The following ANO4 variants were observed in gnomAD, a reference collection of about 807,000 sequenced individuals.
ANO4 encodes anoctamin-4.
Under a neutral mutation model 141.9 loss-of-function variants are expected in ANO4, and 69 were observed. The ratio of observed to expected loss-of-function variants is 0.49; its 90% confidence interval spans 0.40 to 0.59. The LOEUF is 0.59. Among genes scored for constraint, ANO4 ranks in the 20% least tolerant of loss-of-function variants. The probability of loss-of-function intolerance (pLI) is 0.00; values close to 1 mark genes in which losing one functional copy is unlikely to be tolerated. For missense variants in ANO4, 894 were observed against 1,162.2 expected (o/e 0.77, Z 3.36); for synonymous variants, 350 against 394.3 (o/e 0.89, Z 1.33).
intron 1 of ANO4, among the ~76,000 whole-genome samples, chr12:100,870,184 G>A (rs1019226770): frequency 6.6e-6 from 1 of 152,176 alleles, no homozygotes; most frequent in Admixed American, 6.6e-5. Context: ...CTGGAAAGAA[G>A]CTGGGATCCT....
At position 100,971,407 on chromosome 12, in the gene ANO4, G is replaced by T; in HGVS notation, c.557+1G>T. The T allele has an allele frequency of 6.3e-7, 1 of 1,586,852 alleles. No homozygotes were observed. The highest frequency in any genetic ancestry group is 8.6e-7 in the Non-Finnish European group (1 of 1,157,150). ...AAATGAATGTAAGAATGCCTTTCAG[G>T]TAGGTGGAAATGTATTTTATTCCAC... On this transcript the variant is annotated splice_donor_variant, in intron 6 of 27. Transcript: ENST00000392977. LOFTEE classifies it high-confidence loss of function.
At chr12:100,830,538 C>G (rs1364120090) in intron 1 of ANO4, among the ~76,000 whole-genome samples, 1 of 151,858 alleles carries the variant, frequency 6.6e-6, no homozygotes, top group Non-Finnish European at 1.5e-5. Flanking sequence ...TTGGGTAAGC[C>G]CAAAGTGTAG....
intron 14 of ANO4, among the ~76,000 whole-genome samples, chr12:101,061,419 T>C (rs1420477022): frequency 6.6e-6 from 1 of 152,162 alleles, no homozygotes; most frequent in East Asian, 1.9e-4. Flanking sequence ...TGAATTTGAA[T>C]GTTGGCCTGT....
intron 1 of ANO4, among the ~76,000 whole-genome samples, chr12:100,829,418 G>T (rs1274460913): frequency 1.3e-5 from 2 of 151,980 alleles, no homozygotes; most frequent in Non-Finnish European, 2.9e-5. Flanking sequence ...TTGCTCTATA[G>T]AAGTTAATTC....
chr12:100,949,508 G>A lies in ANO4; in HGVS notation c.456+6973G>A, dbSNP rs1467433164. 2.0e-5 allele frequency among the ~76,000 whole-genome samples: 3 copies of A among 152,004 alleles called. No homozygotes were observed. In the East Asian group the frequency reaches 5.8e-4, roughly 29 times the overall value. On this transcript the variant is annotated intron_variant, in intron 5 of 27. Coordinates refer to ENST00000392977, the MANE Select transcript of ANO4 (RefSeq NM_001286615.2). ...GTGCTTATCTCTGTGCCTTTTATATGGTAAGCATTTAGTAAACTTCATTAT... is the reference window on the plus strand; with the variant it reads ...GTGCTTATCTCTGTGCCTTTTATATAGTAAGCATTTAGTAAACTTCATTAT...
At chr12:100,792,509 C>A (rs546886412), upstream of ANO4, among the ~76,000 whole-genome samples, 231 of 152,290 alleles carry the variant, frequency 1.5e-3, 1 homozygote, top group African/African-American at 5.4e-3. Flanking sequence ...TATAAACAAT[C>A]TGTACATTAC....
chr12:100,866,724 G>A (rs2038770303), intron 1 of ANO4, among the ~76,000 whole-genome samples: 1 of 152,126 alleles, frequency 6.6e-6, no homozygotes, highest in African/African-American at 2.4e-5. Context: ...CAAGCTCAAG[G>A]TCATAGAGAT....
intron 3 of ANO4, among the ~76,000 whole-genome samples, chr12:100,924,223 G>A (rs1172198760): frequency 6.6e-6 from 1 of 151,858 alleles, no homozygotes; most frequent in Non-Finnish European, 1.5e-5. Flanking sequence ...CATGCCTAGG[G>A]ACATTGCATT....
intron 1 of ANO4, among the ~76,000 whole-genome samples, chr12:100,807,713 C>A (rs376665864): frequency 6.6e-6 from 1 of 152,098 alleles, no homozygotes; most frequent in East Asian, 1.9e-4. Flanking sequence ...GCTTTCCCTC[C>A]GCCCCTGACA....
chr12:101,039,470 A>C (rs1313003477), intron 10 of ANO4, among the ~76,000 whole-genome samples: 1 of 152,202 alleles, frequency 6.6e-6, no homozygotes, highest in Non-Finnish European at 1.5e-5. Flanking sequence ...GCGCCACTGC[A>C]CTCCAGCCTG....
At chr12:100,902,013 C>T (rs1245177419) in intron 2 of ANO4, among the ~76,000 whole-genome samples, 173 bp downstream of exon 2, 1 of 152,026 alleles carries the variant, frequency 6.6e-6, no homozygotes, top group African/African-American at 2.4e-5. Context: ...ATCACCAAGA[C>T]GAATAAGAGG....
At chr12:100,811,055 G>A (rs2035399097) in intron 1 of ANO4, among the ~76,000 whole-genome samples, 1 of 152,050 alleles carries the variant, frequency 6.6e-6, no homozygotes, top group Non-Finnish European at 1.5e-5. Flanking sequence ...AGCAATTTCG[G>A]AGCCTGAGAA....
At chr12:100,734,728 C>T (rs1252185228) in intron 2 of ANO4, among the ~76,000 whole-genome samples, 3 of 152,226 alleles carry the variant, frequency 2.0e-5, no homozygotes, top group East Asian at 3.8e-4. Context: ...GCCGTGGCTT[C>T]TCAAACTCCA....
At chr12:100,742,715 A>G (rs1039094855) in intron 3 of ANO4, among the ~76,000 whole-genome samples, 2 of 152,222 alleles carry the variant, frequency 1.3e-5, no homozygotes, top group African/African-American at 4.8e-5. Flanking sequence ...CTGCAGTCCT[A>G]GAAAGAATGC....
intron 2 of ANO4, among the ~76,000 whole-genome samples, chr12:100,735,843 A>C (rs953706377): frequency 6.6e-6 from 1 of 152,136 alleles, no homozygotes; most frequent in African/African-American, 2.4e-5. Flanking sequence ...GCCTCACGGA[A>C]AATTAGAAAT....
chr12:101,086,547 A>C (rs547691812), intron 16 of ANO4, 113 bp from the exon 17 acceptor site: 5 of 1,097,156 alleles, frequency 4.6e-6, no homozygotes, highest in Non-Finnish European at 6.7e-6. Flanking sequence ...TCTCTTGAGC[A>C]GTACTGCCAT....
intron 1 of ANO4, among the ~76,000 whole-genome samples, chr12:100,838,666 A>G (rs1369103439): frequency 6.6e-6 from 1 of 152,200 alleles, no homozygotes; most frequent in Non-Finnish European, 1.5e-5. Flanking sequence ...ATAAAGTTTC[A>G]TAAATAAAGT....
chr12:100,810,166 G>A (rs913340993), intron 1 of ANO4, among the ~76,000 whole-genome samples: 2 of 151,984 alleles, frequency 1.3e-5, no homozygotes. Flanking sequence ...ATGCTGATCA[G>A]GATAGTCCTC....
intron 25 of ANO4, among the ~76,000 whole-genome samples, chr12:101,118,828 A>G (rs1385391321): frequency 1.3e-5 from 2 of 151,180 alleles, no homozygotes; most frequent in African/African-American, 2.4e-5. Context: ...TTAACTCATC[A>G]TTTACATTAG....
Sources: allele counts gnomAD v4.1 joint callset (sites outside exome capture counted in the v4.1 genomes callset), GRCh38; gene constraint gnomAD v4.1.1; transcripts MANE v1.5; gene names NCBI Gene and HGNC (gene_info 2026-07-23, HGNC 2026-07-21).